XPR1: variants seen among roughly 807,000 people sequenced by gnomAD.
The protein encoded by XPR1 is solute carrier family 53 member 1.
Under a neutral mutation model 87.5 loss-of-function variants are expected in XPR1, and 28 were observed. That is an observed-to-expected ratio of 0.32 (90% CI 0.24 to 0.44). The LOEUF is 0.44. Among genes scored for constraint, XPR1 ranks in the 20% least tolerant of loss-of-function variants. The pLI is 1.00. For synonymous variants in XPR1, 300 were observed against 306.1 expected (o/e 0.98, Z 0.21); for missense variants, 559 against 862.3 (o/e 0.65, Z 4.41).
intron 2 of XPR1, among the ~76,000 whole-genome samples, chr1:180,769,834 T>G (rs961522604): frequency 6.6e-6 from 1 of 152,180 alleles, no homozygotes; most frequent in East Asian, 1.9e-4. Flanking sequence ...CTACTTTTAA[T>G]TTTTTGAGGA....
chr1:180,785,046 T>TG (rs71121052), intron 2 of XPR1, among the ~76,000 whole-genome samples: 12 of 150,456 alleles, frequency 8.0e-5, no homozygotes, highest in African/African-American at 2.9e-4. Context: ...TGTGTGTGTG[T>TG]TACTATAACC....
At chr1:180,743,226 G>T (rs1456131550) in intron 2 of XPR1, among the ~76,000 whole-genome samples, 4 of 147,296 alleles carry the variant, frequency 2.7e-5, no homozygotes, top group African/African-American at 5.1e-5. Flanking sequence ...TTTTTTTTTG[G>T]GGGGGGAGTA....
At chr1:180,669,166 T>C (rs1656068588) in intron 1 of XPR1, among the ~76,000 whole-genome samples, 1 of 152,064 alleles carries the variant, frequency 6.6e-6, no homozygotes, top group African/African-American at 2.4e-5. Flanking sequence ...ATGTACCACA[T>C]GCACTTGAAA....
intron 2 of XPR1, among the ~76,000 whole-genome samples, chr1:180,714,349 T>TTCTCTCTCTCTCTCTCTCTCTCTC: frequency 1.4e-5 from 1 of 72,150 alleles, no homozygotes; most frequent in South Asian, 6.0e-4. Flanking sequence ...TTTTTCCCTG[T>TTCTCTCTCTCTCTCTCTCTCTCTC]TCTCTCTCTC....
At chr1:180,686,933 A>T (rs1456591333) in intron 2 of XPR1, among the ~76,000 whole-genome samples, 2 of 152,160 alleles carry the variant, frequency 1.3e-5, no homozygotes, top group Admixed American at 1.3e-4. Flanking sequence ...TAAGTCAGGA[A>T]TTGGCATTTA....
intron 1 of XPR1, among the ~76,000 whole-genome samples, chr1:180,672,479 G>C (rs1656213002): frequency 6.6e-6 from 1 of 152,130 alleles, no homozygotes. Context: ...TTTTGGGATA[G>C]AAATGAAGAT....
At chr1:180,856,994 T>G (rs1453358360) in intron 11 of XPR1, among the ~76,000 whole-genome samples, 7 of 152,188 alleles carry the variant, frequency 4.6e-5, no homozygotes, top group Non-Finnish European at 1.0e-4. Context: ...AAGACTTAGT[T>G]TGAAACAAAA....
At chr1:180,753,792 CAT>C (rs1169170912) in intron 2 of XPR1, among the ~76,000 whole-genome samples, 1 of 152,184 alleles carries the variant, frequency 6.6e-6, no homozygotes, top group Non-Finnish European at 1.5e-5. Flanking sequence ...CACTGCTAAA[CAT>C]ATATTTGTGT....
chr1:180,825,662 T>C (rs543616985), intron 9 of XPR1, among the ~76,000 whole-genome samples: 63 of 152,348 alleles, frequency 4.1e-4, no homozygotes, highest in Non-Finnish European at 8.5e-4. Flanking sequence ...TCCTGTTAAG[T>C]TGATGTGAGT....
chr1:180,875,239 A>G (rs190753057), intron 13 of XPR1, among the ~76,000 whole-genome samples: 5 of 152,296 alleles, frequency 3.3e-5, no homozygotes, highest in East Asian at 3.9e-4. Context: ...GCCAGGCATG[A>G]TGGTTTATGC....
rs569766173 is a variant in XPR1, at chr1:180,791,607, C to T, written c.223+3753C>T. Among the ~76,000 whole-genome samples the T allele has an allele frequency of 2.0e-5, 3 of 152,082 alleles. No homozygotes were observed. In the East Asian group the frequency reaches 5.8e-4, roughly 29 times the overall value. On this transcript the variant is annotated intron_variant, in intron 3 of 14. Coordinates refer to ENST00000367590, the MANE Select transcript of XPR1 (RefSeq NM_004736.4). ...AGTAAAAAAAAATGTACATTATGAC[C>T]CAGCACACATATACAGATAAATGTT...
chr1:180,674,328 G>A (rs1456987850), intron 1 of XPR1, among the ~76,000 whole-genome samples: 6 of 152,212 alleles, frequency 3.9e-5, no homozygotes, highest in Non-Finnish European at 5.9e-5. Flanking sequence ...GCACGATCTC[G>A]GCTCACCACA....
rs1434240278 is a variant in XPR1, at chr1:180,873,816, G to C, written c.1682G>C (p.Cys561Ser). 1 of 1,613,492 alleles carries C rather than the reference G, an allele frequency of 6.2e-7. No homozygotes were observed. Among genetic ancestry groups the C allele is most frequent in the African/African-American group, 1.3e-5 (1 of 74,870 alleles). The change falls in exon 13 of 15, where the codon TGT becomes TCT. Residue 561 changes from cysteine to serine, a missense_variant. Cys to Ser is a moderately radical substitution (Grantham distance 112). Transcript: ENST00000367590. ...IVYPQKAYYY[C>S]AIIEDVILRF... ...ATTATTTCTCAGGCCTACTACTACT[G>C]TGCCATAATAGAGGATGTGATTCTG...
intron 2 of XPR1, among the ~76,000 whole-genome samples, chr1:180,684,141 C>A (rs1055840478): frequency 6.6e-6 from 1 of 152,084 alleles, no homozygotes; most frequent in Admixed American, 6.6e-5. Context: ...ATTAATTTTT[C>A]TATAAGGTGT....
At chr1:180,690,801 T>A (rs1656962941) in intron 2 of XPR1, among the ~76,000 whole-genome samples, 1 of 151,048 alleles carries the variant, frequency 6.6e-6, no homozygotes, top group Non-Finnish European at 1.5e-5. Flanking sequence ...GTAGTTTACA[T>A]ATTTACTTGA....
intron 7 of XPR1, among the ~76,000 whole-genome samples, chr1:180,817,679 C>T (rs1342612104): frequency 6.6e-6 from 1 of 152,084 alleles, no homozygotes; most frequent in Non-Finnish European, 1.5e-5. Flanking sequence ...TGATGGCTCT[C>T]ACAAATGTTA....
chr1:180,649,387 C>T (rs944744086), intron 1 of XPR1, among the ~76,000 whole-genome samples: 4 of 151,972 alleles, frequency 2.6e-5, no homozygotes, highest in Middle Eastern at 3.4e-3. Flanking sequence ...GCCAAGATCG[C>T]GCCACTGCAC....
At chr1:180,846,099 A>G (rs947154861) in intron 11 of XPR1, among the ~76,000 whole-genome samples, 2 of 152,012 alleles carry the variant, frequency 1.3e-5, no homozygotes, top group Admixed American at 6.6e-5. Flanking sequence ...GTCTCTACTA[A>G]AAATTATAAA....
chr1:180,632,517 G>A (rs1299925603), intron 1 of XPR1, among the ~76,000 whole-genome samples: 1 of 152,176 alleles, frequency 6.6e-6, no homozygotes, highest in African/African-American at 2.4e-5. Context: ...GGGAGGAAAG[G>A]CGCTGCCCGG....
Sources: allele counts gnomAD v4.1 joint callset (sites outside exome capture counted in the v4.1 genomes callset), GRCh38; gene constraint gnomAD v4.1.1; transcripts MANE v1.5; gene names NCBI Gene and HGNC (gene_info 2026-07-23, HGNC 2026-07-21).